The following RSRC1 variants were observed in gnomAD, a reference collection of about 807,000 sequenced individuals.
RSRC1 encodes serine/Arginine-related protein 53.
A neutral mutation model predicts 49.1 loss-of-function variants in RSRC1; 39 were observed. That is an observed-to-expected ratio of 0.79 (90% confidence interval 0.61 to 1.04). The LOEUF (loss-of-function observed/expected upper bound fraction) is 1.04, where lower values mean the gene tolerates loss of function less well. Among genes scored for constraint, RSRC1 ranks in the 50% least tolerant of loss-of-function variants. RSRC1 has a pLI of 0.00. For synonymous variants in RSRC1, 143 were observed against 130.8 expected (o/e 1.09, Z -0.63); for missense variants, 388 against 402.4 (o/e 0.96, Z 0.31).
At chr3:158,137,273 G>A (rs549995342) in intron 3 of RSRC1, among the ~76,000 whole-genome samples, 1 of 152,054 alleles carries the variant, frequency 6.6e-6, no homozygotes, top group Non-Finnish European at 1.5e-5. Flanking sequence ...TTAATGTAAT[G>A]TGTAATCTGA....
At chr3:158,144,526 G>T (rs1716957194) in intron 3 of RSRC1, among the ~76,000 whole-genome samples, 1 of 152,140 alleles carries the variant, frequency 6.6e-6, no homozygotes, top group African/African-American at 2.4e-5. Flanking sequence ...TCTTAATCCA[G>T]TCTATCACTG....
intron 7 of RSRC1, among the ~76,000 whole-genome samples, chr3:158,512,557 T>C (rs565693387): frequency 2.6e-4 from 40 of 152,310 alleles, no homozygotes; most frequent in South Asian, 2.5e-3. Context: ...GTGATGCCTC[T>C]GGCTTTGTTC....
chr3:158,409,835 T>A (rs75347328), intron 6 of RSRC1, among the ~76,000 whole-genome samples: 11 of 152,132 alleles, frequency 7.2e-5, no homozygotes, highest in Admixed American at 6.6e-5. Flanking sequence ...AGAGGGCATA[T>A]GAAAATCTGT....
intron 4 of RSRC1, among the ~76,000 whole-genome samples, chr3:158,237,931 G>T (rs1339400661): frequency 6.6e-6 from 1 of 152,124 alleles, no homozygotes; most frequent in Non-Finnish European, 1.5e-5. Flanking sequence ...GATATTGGCT[G>T]TGGGTTTGTC....
Position 158,163,152 on chromosome 3 carries a change from G to A in RSRC1, c.320+39161G>A, listed in dbSNP as rs546352809. ...CCTAGTAGCTGGGATTACAGGCACCGCCAGCATAGCTGGCTAATTTTTATA... is the reference window on the plus strand; with the variant it reads ...CCTAGTAGCTGGGATTACAGGCACCACCAGCATAGCTGGCTAATTTTTATA... On this transcript the variant is annotated intron_variant, in intron 3 of 9. Transcript: ENST00000611884. Among the ~76,000 whole-genome samples the A allele has an allele frequency of 2.0e-5, 3 of 152,026 alleles. No homozygotes were observed. The South Asian group carries it at 6.2e-4, about 32-fold the overall frequency.
rs187511894 is a variant in RSRC1 at position 158,392,524 on chromosome 3, A to G, written c.583+37616A>G. 4.5e-3 allele frequency among the ~76,000 whole-genome samples: 687 copies of G among 152,180 alleles called. 2 individuals carry two copies. Among genetic ancestry groups the G allele is most frequent in the African/African-American group, 0.016 (650 of 41,570 alleles). On this transcript the variant is annotated intron_variant, in intron 6 of 9. Coordinates refer to ENST00000611884, the MANE Select transcript of RSRC1 (RefSeq NM_001271838.2). ...ATATTTTTTCCAAGACTGACACAGAATGCCAAGTGTAATCAATAGAAATAC... is the reference window on the plus strand; with the variant it reads ...ATATTTTTTCCAAGACTGACACAGAGTGCCAAGTGTAATCAATAGAAATAC...
intron 3 of RSRC1, among the ~76,000 whole-genome samples, chr3:158,158,391 ACTGTGTGT>A (rs1718008149): frequency 6.6e-6 from 1 of 152,176 alleles, no homozygotes; most frequent in African/African-American, 2.4e-5. Context: ...TGGAACTATT[ACTGTGTGT>A]ATACTGAGGG....
intron 5 of RSRC1, among the ~76,000 whole-genome samples, chr3:158,311,646 G>C (rs116716378): frequency 6.6e-6 from 1 of 151,886 alleles, no homozygotes; most frequent in Admixed American, 6.6e-5. Context: ...CTAATGTACA[G>C]CATGGTGACT....
intron 4 of RSRC1, among the ~76,000 whole-genome samples, chr3:158,263,101 C>G (rs941580721): frequency 2.0e-5 from 3 of 152,056 alleles, no homozygotes; most frequent in Non-Finnish European, 2.9e-5. Flanking sequence ...CTATCTATGT[C>G]TTACTTATGA....
At chr3:158,350,085 G>A (rs1456371602) in intron 5 of RSRC1, among the ~76,000 whole-genome samples, 1 of 149,430 alleles carries the variant, frequency 6.7e-6, no homozygotes, top group Non-Finnish European at 1.5e-5. Flanking sequence ...TTCTATTTTT[G>A]TGATATTCTT....
intron 3 of RSRC1, among the ~76,000 whole-genome samples, chr3:158,201,431 C>G (rs1442141774): frequency 2.0e-5 from 3 of 152,094 alleles, no homozygotes; most frequent in Non-Finnish European, 4.4e-5. Context: ...TCACTCACCA[C>G]TGAAAAAATG....
chr3:158,429,662 A>G lies in RSRC1; in HGVS notation c.584-31273A>G, dbSNP rs181353460. On this transcript the variant is annotated intron_variant, in intron 6 of 9. Coordinates refer to ENST00000611884, the MANE Select transcript of RSRC1 (RefSeq NM_001271838.2). ...TATGCTTAAGTGATCTTAAAAAAAA[A>G]CAACAAAAATAAATACAATAGAATA... 4.8e-4 allele frequency among the ~76,000 whole-genome samples: 72 copies of G among 151,216 alleles called. 1 individual carries two copies. In the East Asian group the frequency reaches 0.013, roughly 28 times the overall value.
At chr3:158,222,121 T>G (rs1420515244) in intron 4 of RSRC1, among the ~76,000 whole-genome samples, 1 of 151,568 alleles carries the variant, frequency 6.6e-6, no homozygotes, top group East Asian at 1.9e-4. Flanking sequence ...CGATCAGTTA[T>G]AATGTTATTT....
chr3:158,150,476 T>G (rs540762377), intron 3 of RSRC1, among the ~76,000 whole-genome samples: 1 of 152,198 alleles, frequency 6.6e-6, no homozygotes, highest in Non-Finnish European at 1.5e-5. Context: ...GTTCTAAATA[T>G]AGTAATATTA....
chr3:158,186,418 G>A (rs1042958306), intron 3 of RSRC1, among the ~76,000 whole-genome samples: 2 of 151,852 alleles, frequency 1.3e-5, no homozygotes, highest in Non-Finnish European at 2.9e-5. Flanking sequence ...AACACTTATT[G>A]TACAGTAACT....
intron 3 of RSRC1, among the ~76,000 whole-genome samples, chr3:158,129,581 G>A (rs76822876): frequency 0.01 from 1,545 of 152,174 alleles, 14 homozygotes; most frequent in Non-Finnish European, 0.016. Flanking sequence ...ATAAGCCACC[G>A]CGCCTGGCCA....
At chr3:158,330,015 G>C (rs1215073894) in intron 5 of RSRC1, among the ~76,000 whole-genome samples, 1 of 152,242 alleles carries the variant, frequency 6.6e-6, no homozygotes, top group African/African-American at 2.4e-5. Flanking sequence ...GGCTCCGTGG[G>C]CGTTGGACCC....
At chr3:158,285,261 T>G (rs1174425899) in intron 4 of RSRC1, among the ~76,000 whole-genome samples, 2 of 152,232 alleles carry the variant, frequency 1.3e-5, no homozygotes, top group African/African-American at 4.8e-5. Context: ...ATATCTCTGT[T>G]TTGGTAGCAG....
At chr3:158,364,673 G>A (rs913276222) in intron 6 of RSRC1, among the ~76,000 whole-genome samples, 16 of 151,950 alleles carry the variant, frequency 1.1e-4, no homozygotes, top group African/African-American at 2.9e-4. Context: ...TTAGCAGTAA[G>A]TATGAAAGAC....
Sources: allele counts gnomAD v4.1 joint callset (sites outside exome capture counted in the v4.1 genomes callset), GRCh38; gene constraint gnomAD v4.1.1; transcripts MANE v1.5; gene names NCBI Gene and HGNC (gene_info 2026-07-23, HGNC 2026-07-21).